NKAIN3: variants seen among roughly 807,000 people sequenced by gnomAD.
The protein encoded by NKAIN3 is sodium/potassium-transporting ATPase subunit beta-1-interacting protein 3.
Under a neutral mutation model 30.2 loss-of-function variants are expected in NKAIN3, and 25 were observed. The observed-to-expected ratio is 0.83, with a 90% CI of 0.60 to 1.16. The LOEUF (loss-of-function observed/expected upper bound fraction) is 1.16. Among genes scored for constraint, NKAIN3 ranks in the 50% most tolerant of loss-of-function variants. The probability of loss-of-function intolerance (pLI) is 0.00; values close to 1 mark genes in which losing one functional copy is unlikely to be tolerated. For synonymous variants in NKAIN3, 91 were observed against 89.6 expected (o/e 1.02, Z -0.09); for missense variants, 225 against 254.1 (o/e 0.89, Z 0.78).
At chr8:62,249,896 T>C (rs762759153) in intron 1 of NKAIN3, among the ~76,000 whole-genome samples, 1 of 152,186 alleles carries the variant, frequency 6.6e-6, no homozygotes, top group Non-Finnish European at 1.5e-5. Context: ...GAGCAAATGC[T>C]CCTCTTAATC....
intron 4 of NKAIN3, among the ~76,000 whole-genome samples, chr8:62,877,122 G>A (rs1771056389): frequency 6.6e-6 from 1 of 152,120 alleles, no homozygotes; most frequent in Non-Finnish European, 1.5e-5. Context: ...GGATGAAGGT[G>A]CCAGCTCCCA....
chr8:62,720,688 C>T (rs10097335), intron 3 of NKAIN3, among the ~76,000 whole-genome samples: 19,139 of 152,194 alleles, frequency 0.13, 1,349 homozygotes, highest in East Asian at 0.17. Flanking sequence ...TGATGACTGA[C>T]TCAAGCCATC....
intron 4 of NKAIN3, among the ~76,000 whole-genome samples, chr8:62,850,140 C>T (rs199750117): frequency 5.9e-5 from 9 of 152,074 alleles, no homozygotes; most frequent in South Asian, 2.1e-4. Flanking sequence ...TTTTAATGAT[C>T]GCCATTCTAA....
chr8:62,387,401 C>A (rs1436128147), intron 1 of NKAIN3, among the ~76,000 whole-genome samples: 1 of 151,628 alleles, frequency 6.6e-6, no homozygotes, highest in African/African-American at 2.4e-5. Flanking sequence ...CCATTTTTGA[C>A]CTCTGATTAA....
chr8:62,561,592 C>A (rs827698), intron 1 of NKAIN3, among the ~76,000 whole-genome samples: 18 of 152,184 alleles, frequency 1.2e-4, no homozygotes, highest in Non-Finnish European at 5.9e-5. Context: ...TCCTCACGTT[C>A]GTTCCAATAA....
intron 1 of NKAIN3, among the ~76,000 whole-genome samples, chr8:62,265,708 T>TG (rs1219835665): frequency 9.8e-5 from 15 of 152,336 alleles, no homozygotes; most frequent in Admixed American, 7.8e-4. Flanking sequence ...GAAAACTTTT[T>TG]GGCTGTATTT....
intron 4 of NKAIN3, among the ~76,000 whole-genome samples, chr8:62,853,547 G>A (rs933148832): frequency 6.6e-6 from 1 of 152,120 alleles, no homozygotes; most frequent in Non-Finnish European, 1.5e-5. Context: ...GGGGTCAGTG[G>A]TAATGTTCCC....
At chr8:62,726,051 T>G (rs1815246862) in intron 3 of NKAIN3, among the ~76,000 whole-genome samples, 1 of 152,066 alleles carries the variant, frequency 6.6e-6, no homozygotes, top group South Asian at 2.1e-4. Context: ...GTATAGATAT[T>G]TCACTTCTTT....
At chr8:62,305,189 T>G (rs80040985) in intron 1 of NKAIN3, among the ~76,000 whole-genome samples, 1 of 150,046 alleles carries the variant, frequency 6.7e-6, no homozygotes, top group Admixed American at 6.6e-5. Flanking sequence ...ATTTTTTTTT[T>G]GTCTTTCAAC....
intron 4 of NKAIN3, among the ~76,000 whole-genome samples, chr8:62,893,644 ATG>A (rs71559382): frequency 2.0e-5 from 3 of 151,178 alleles, no homozygotes; most frequent in Admixed American, 1.3e-4. Context: ...TACTCCTTGA[ATG>A]TGTGTGTGTG....
At chr8:62,927,324 T>A (rs1822481496) in intron 5 of NKAIN3, among the ~76,000 whole-genome samples, 1 of 152,238 alleles carries the variant, frequency 6.6e-6, no homozygotes, top group Non-Finnish European at 1.5e-5. Context: ...TTCTCCTTCC[T>A]TGAACACTTT....
rs560104659 is a variant in NKAIN3, at chr8:62,854,128, C to T, written c.472-64325C>T. 5.3e-5 allele frequency among the ~76,000 whole-genome samples: 8 copies of T among 152,056 alleles called. 1 individual carries two copies. The South Asian group carries it at 1.5e-3, about 28-fold the overall frequency. On this transcript the variant is annotated intron_variant, in intron 4 of 6. Coordinates refer to ENST00000623646, the MANE Select transcript of NKAIN3 (RefSeq NM_001304533.3). ...AGTGTTTTACTTCTGATTATGTGATCAATTTTAGAGTAAGTTCCATGTGGT... is the reference window on the plus strand; with the variant it reads ...AGTGTTTTACTTCTGATTATGTGATTAATTTTAGAGTAAGTTCCATGTGGT...
intron 4 of NKAIN3, among the ~76,000 whole-genome samples, chr8:62,750,838 G>A (rs974839204): frequency 2.0e-5 from 3 of 152,008 alleles, no homozygotes; most frequent in Non-Finnish European, 4.4e-5. Flanking sequence ...AGCAGACTCC[G>A]GCCCTGGGAT....
intron 4 of NKAIN3, among the ~76,000 whole-genome samples, chr8:62,917,005 C>T (rs936645583): frequency 9.2e-5 from 14 of 151,986 alleles, no homozygotes; most frequent in African/African-American, 2.9e-4. Flanking sequence ...TGCCACTTTG[C>T]ACCCCTACTT....
At chr8:62,316,420 T>TCCCC (rs36162648) in intron 1 of NKAIN3, among the ~76,000 whole-genome samples, 1 of 150,792 alleles carries the variant, frequency 6.6e-6, no homozygotes, top group African/African-American at 2.4e-5. Context: ...CCTAATGCTA[T>TCCCC]CCCCCCCCTC....
At chr8:62,829,642 G>C (rs1819131596) in intron 4 of NKAIN3, among the ~76,000 whole-genome samples, 1 of 152,100 alleles carries the variant, frequency 6.6e-6, no homozygotes, top group African/African-American at 2.4e-5. Flanking sequence ...TTTAAGTCCT[G>C]TGATTTTATG....
At chr8:62,280,972 T>C (rs1813159618) in intron 1 of NKAIN3, among the ~76,000 whole-genome samples, 1 of 152,216 alleles carries the variant, frequency 6.6e-6, no homozygotes, top group South Asian at 2.1e-4. Context: ...CTTGTACCTC[T>C]GGTAGAATTC....
chr8:62,500,482 AAAGAAGAAAAG>A (rs1159312994), intron 1 of NKAIN3, among the ~76,000 whole-genome samples: 48 of 144,950 alleles, frequency 3.3e-4, no homozygotes, highest in South Asian at 6.4e-4. Context: ...AGAAAGAAAG[AAAGAAGAAAAG>A]AAAGAAAGAA....
intron 1 of NKAIN3, among the ~76,000 whole-genome samples, chr8:62,290,599 C>G (rs981962770): frequency 2.0e-5 from 3 of 152,174 alleles, no homozygotes; most frequent in African/African-American, 7.2e-5. Context: ...CCAACTTGCT[C>G]ATGGTGGATA....
Sources: allele counts gnomAD v4.1 joint callset (sites outside exome capture counted in the v4.1 genomes callset), GRCh38; gene constraint gnomAD v4.1.1; transcripts MANE v1.5; gene names NCBI Gene and HGNC (gene_info 2026-07-23, HGNC 2026-07-21).